MCTP1: variants seen among roughly 807,000 people sequenced by gnomAD.
The protein encoded by MCTP1 is multiple C2 and transmembrane domain containing 1.
Under a neutral mutation model 120.6 loss-of-function variants are expected in MCTP1, and 69 were observed. The ratio of observed to expected loss-of-function variants is 0.57; its 90% CI spans 0.47 to 0.70. The LOEUF (loss-of-function observed/expected upper bound fraction) is 0.70, where lower values mean the gene tolerates loss of function less well. Ranked by LOEUF, MCTP1 falls within the 30% of genes least tolerant of loss-of-function variation. The pLI, the probability that MCTP1 is intolerant of heterozygous loss-of-function variation, is 0.00. For missense variants in MCTP1, 1,203 were observed against 1,248.8 expected, an observed-to-expected ratio of 0.96 and a Z score of 0.55; for synonymous variants, 529 against 493.1, an observed-to-expected ratio of 1.07 and a Z score of -0.96.
intron 7 of MCTP1, among the ~76,000 whole-genome samples, chr5:94,922,193 C>T (rs1811836711): frequency 6.6e-6 from 1 of 152,118 alleles, no homozygotes; most frequent in Non-Finnish European, 1.5e-5. Flanking sequence ...TAAACTTGCA[C>T]ATTTGTTATT....
chr5:95,122,183 A>ATTTT (rs1758295433), intron 1 of MCTP1, among the ~76,000 whole-genome samples: 2 of 152,136 alleles, frequency 1.3e-5, no homozygotes, highest in African/African-American at 4.8e-5. Flanking sequence ...TGAACAGCCA[A>ATTTT]GTAAACAATC....
At chr5:95,255,551 C>T (rs1421737748) in intron 1 of MCTP1, among the ~76,000 whole-genome samples, 1 of 152,116 alleles carries the variant, frequency 6.6e-6, no homozygotes, top group Non-Finnish European at 1.5e-5. Flanking sequence ...GCACTGATCC[C>T]ACACCTACCC....
Position 94,966,676 on chromosome 5 carries a change from T to G in MCTP1, c.839-13315A>C, listed in dbSNP as rs1441952312. Among the ~76,000 whole-genome samples, 4 of 152,032 alleles carry G rather than the reference T, an allele frequency of 2.6e-5. No homozygotes were observed. In the East Asian group the frequency reaches 7.8e-4, roughly 30 times the overall value. ...AAGGCGTGGTGGCGGGCACCTGTAG[T>G]CCCAGCTACTCAGGAGGCTGAGGCA... On this transcript the variant is annotated intron_variant, in intron 2 of 22. Coordinates refer to ENST00000515393, the MANE Select transcript of MCTP1 (RefSeq NM_024717.7).
chr5:95,085,994 CTCT>C (rs1043020974), intron 1 of MCTP1, among the ~76,000 whole-genome samples: 1 of 145,826 alleles, frequency 6.9e-6, no homozygotes, highest in African/African-American at 2.4e-5. Context: ...ATAGATATCA[CTCT>C]TCTGTGTATT....
At chr5:95,118,334 T>A (rs137926207) in intron 1 of MCTP1, among the ~76,000 whole-genome samples, 77 of 152,260 alleles carry the variant, frequency 5.1e-4, no homozygotes, top group African/African-American at 1.8e-3. Flanking sequence ...TAAAGGGTTA[T>A]AAGACAGTAT....
At chr5:95,203,230 T>G (rs1018553824) in intron 1 of MCTP1, among the ~76,000 whole-genome samples, 1 of 152,188 alleles carries the variant, frequency 6.6e-6, no homozygotes, top group African/African-American at 2.4e-5. Context: ...GAACGTTACT[T>G]CCAACTGGAT....
At chr5:94,766,874 T>A (rs1297408041) in intron 19 of MCTP1, among the ~76,000 whole-genome samples, 1 of 152,152 alleles carries the variant, frequency 6.6e-6, no homozygotes, top group Non-Finnish European at 1.5e-5. Flanking sequence ...AACTAACAAT[T>A]CTTTTCAAAC....
At chr5:95,215,521 G>A (rs1752942118) in intron 1 of MCTP1, among the ~76,000 whole-genome samples, 1 of 152,162 alleles carries the variant, frequency 6.6e-6, no homozygotes, top group African/African-American at 2.4e-5. Context: ...CATTTAATTG[G>A]ATTGAGCAAT....
chr5:95,007,439 C>T (rs984652799), intron 2 of MCTP1, among the ~76,000 whole-genome samples: 2 of 152,280 alleles, frequency 1.3e-5, no homozygotes, highest in African/African-American at 4.8e-5. Flanking sequence ...AATATATATG[C>T]AAATGCCAAC....
At chr5:94,748,733 A>G (rs1056515091) in intron 19 of MCTP1, among the ~76,000 whole-genome samples, 1 of 152,244 alleles carries the variant, frequency 6.6e-6, no homozygotes. Context: ...GATGATACTA[A>G]TAGATTCCAA....
chr5:94,920,869 TCTG>T (rs1811491976), intron 7 of MCTP1, among the ~76,000 whole-genome samples: 1 of 152,118 alleles, frequency 6.6e-6, no homozygotes, highest in East Asian at 1.9e-4. Flanking sequence ...AAGGCGGTAC[TCTG>T]ATATAACTTC....
chr5:94,870,264 A>G (rs1240676782), intron 16 of MCTP1, among the ~76,000 whole-genome samples, 153 bp downstream of exon 16: 1 of 152,144 alleles, frequency 6.6e-6, no homozygotes, highest in Non-Finnish European at 1.5e-5. Context: ...AAGAATCAGA[A>G]AGAATGAAAG....
rs1032861262 is a variant in MCTP1, at chr5:94,708,409, C to T, written c.2928+103G>A. On this transcript the variant is annotated intron_variant, in intron 22 of 22. Coordinates refer to ENST00000515393, the MANE Select transcript of MCTP1 (RefSeq NM_024717.7). ...GCTACACAGGCTTTATTAATTTTTACTCAGCTCTTCTAAAGCCTTTGAAAT... is the reference window on the plus strand; with the variant it reads ...GCTACACAGGCTTTATTAATTTTTATTCAGCTCTTCTAAAGCCTTTGAAAT... The T allele has an allele frequency of 1.3e-5, 9 of 689,358 alleles. No individual in the cohort carries two copies. The African/African-American group carries it at 1.6e-4, about 13-fold the overall frequency. 42.7% of individuals were successfully genotyped at this position (689,358 alleles called of 1,614,324 possible).
At chr5:95,160,855 C>T (rs115835962) in intron 1 of MCTP1, among the ~76,000 whole-genome samples, 1,707 of 152,080 alleles carry the variant, frequency 0.011, 28 homozygotes, top group African/African-American at 0.038. Context: ...GAAAAAAATG[C>T]CTATCACTAA....
intron 2 of MCTP1, among the ~76,000 whole-genome samples, chr5:95,000,277 G>A (rs565743153): frequency 1.3e-5 from 2 of 152,062 alleles, no homozygotes; most frequent in South Asian, 4.2e-4. Context: ...TAACAACTAG[G>A]TTACTGGTTT....
chr5:94,817,691 G>T (rs1487713024), intron 17 of MCTP1, among the ~76,000 whole-genome samples: 1 of 152,140 alleles, frequency 6.6e-6, no homozygotes. Flanking sequence ...AGTTATTATG[G>T]GGAAGGCAGC....
chr5:95,101,534 G>A (rs981176168), intron 1 of MCTP1, among the ~76,000 whole-genome samples: 1 of 152,216 alleles, frequency 6.6e-6, no homozygotes, highest in Non-Finnish European at 1.5e-5. Flanking sequence ...AGAAGTGTGA[G>A]TGATTCACTG....
chr5:95,061,408 G>GTTTTTTTTTTTTTTTT (rs556663513), intron 1 of MCTP1, among the ~76,000 whole-genome samples: 2 of 33,488 alleles, frequency 6.0e-5, no homozygotes, highest in Admixed American at 3.6e-4. Context: ...CCCCTTAAGG[G>GTTTTTTTTTTTTTTTT]TTTTTTTTTT....
chr5:95,051,171 C>T (rs555090498), intron 1 of MCTP1, among the ~76,000 whole-genome samples: 1 of 152,270 alleles, frequency 6.6e-6, no homozygotes, highest in Non-Finnish European at 1.5e-5. Flanking sequence ...AACAAGTCAG[C>T]ATTGTCTTTA....
Sources: gnomAD v4.1 joint callset for allele counts (sites outside exome capture counted in the v4.1 genomes callset) on GRCh38, gnomAD v4.1.1 for gene constraint, MANE v1.5 for transcripts, NCBI Gene and HGNC (gene_info 2026-07-23, HGNC 2026-07-21) for gene names.